C1QTNF1: variants seen among roughly 807,000 people sequenced by gnomAD.
C1QTNF1 encodes the protein C1q and TNF related 1, also known as complement C1q tumor necrosis factor-related protein 1.
In C1QTNF1, 22 loss-of-function variants were observed where a neutral mutation model predicts 27.8. The observed-to-expected ratio is 0.79, with a 90% CI of 0.56 to 1.13. The LOEUF (loss-of-function observed/expected upper bound fraction) is 1.13, where lower values mean the gene tolerates loss of function less well. Ranked by LOEUF, C1QTNF1 falls within the 50% of genes most tolerant of loss-of-function variation. The pLI is 0.00. For synonymous variants in C1QTNF1, 166 were observed against 154.3 expected (o/e 1.08, Z -0.56); for missense variants, 373 against 380.2 (o/e 0.98, Z 0.16).
chr17:79,034,581 A>G (rs2072220929), intron 1 of C1QTNF1: 1 of 152,186 alleles, frequency 6.6e-6, no homozygotes, highest in Non-Finnish European at 1.5e-5. Flanking sequence ...TGGGAGGGAG[A>G]TGCTTTAGGA....
chr17:79,025,173 C>G (rs2071905568), intron 1 of C1QTNF1: 1 of 152,472 alleles, frequency 6.6e-6, no homozygotes, highest in South Asian at 2.1e-4. Context: ...CTGAGCCGCC[C>G]TGGGGCTTCT....
intron 1 of C1QTNF1, among the ~76,000 whole-genome samples, chr17:79,039,634 CAG>C (rs1485251605): frequency 2.0e-5 from 3 of 152,018 alleles, no homozygotes; most frequent in Non-Finnish European, 2.9e-5. Context: ...GCCTGGGTGA[CAG>C]AGCGAGACTC....
chr17:79,038,243 G>C (rs892230695), intron 1 of C1QTNF1, among the ~76,000 whole-genome samples: 7 of 152,210 alleles, frequency 4.6e-5, no homozygotes, highest in African/African-American at 1.7e-4. Flanking sequence ...ACCTGCCTTG[G>C]CCTCCCAAAG....
rs79034842 is a variant in C1QTNF1 at position 79,025,785 on chromosome 17, T to G, written c.-15+1291T>G. 2,155 of 219,820 alleles carry G rather than the reference T, an allele frequency of 9.8e-3. 79 individuals are homozygous for G. In the East Asian group the frequency reaches 0.12, roughly 13 times the overall value. 13.6% of individuals were successfully genotyped at this position (219,820 alleles called of 1,614,324 possible). A position where few individuals can be genotyped will look rare whatever the true frequency, so the allele number is the denominator to read the frequency against. On this transcript the variant is annotated intron_variant, in intron 1 of 3. Coordinates refer to ENST00000579760, the MANE Select transcript of C1QTNF1 (RefSeq NM_030968.5). Reference sequence around the variant, plus strand: ...CAAGACAGGGAGATGGGAGCCGAGGTCTGAGGACAAGCAGAAGCTTCCCCA... The same window carrying G: ...CAAGACAGGGAGATGGGAGCCGAGGGCTGAGGACAAGCAGAAGCTTCCCCA...
In C1QTNF1 at chr17:79,048,229, G is replaced by A. The variant is rs2072655621; in HGVS notation, c.*141G>A. The A allele has an allele frequency of 2.4e-6, 2 of 832,818 alleles. No homozygotes were observed. The highest frequency in any genetic ancestry group is 2.0e-5 in the South Asian group (1 of 50,446). 51.6% of individuals were successfully genotyped at this position (832,818 alleles called of 1,614,324 possible). On this transcript the variant is annotated 3_prime_UTR_variant, in exon 4 of 4. Coordinates refer to ENST00000579760, the MANE Select transcript of C1QTNF1 (RefSeq NM_030968.5). ...CCCTGCACACACAGAAAGCCAAAGC[G>A]ATCGGTGCTCCCAGATCCCGCAGCC...
intron 1 of C1QTNF1, among the ~76,000 whole-genome samples, chr17:79,041,426 C>G (rs144451983): frequency 6.6e-6 from 1 of 152,162 alleles, no homozygotes. Flanking sequence ...TCCAGATCTT[C>G]CCCTGCAATG....
chr17:79,044,191 C>T, intron 2 of C1QTNF1, 68 bp downstream of exon 2: 1 of 1,461,528 alleles, frequency 6.8e-7, no homozygotes, highest in Non-Finnish European at 9.0e-7. Flanking sequence ...GGCCTTGGGG[C>T]CCCTGGGGGA....
In C1QTNF1 at chr17:79,047,756, G is replaced by C. The variant is rs766236227; in HGVS notation, c.514G>C (p.Val172Leu). Residue 172 changes from valine (V) to leucine (L), a missense_variant, in exon 4 of 4, where the codon GTG (valine) becomes CTG (leucine). By Grantham distance (32) the Val-to-Leu change is conservative. Coordinates refer to ENST00000579760, the MANE Select transcript of C1QTNF1 (RefSeq NM_030968.5). ...GACGGTGATCTTCGACACGGAGTTC[G>C]TGAACCTCTACGACCACTTCAACAT... Reference protein sequence around the residue: ...YQTVIFDTEFVNLYDHFNMFT... With the variant: ...YQTVIFDTEFLNLYDHFNMFT... The C allele has an allele frequency of 1.2e-6, 2 of 1,614,148 alleles. No homozygotes were observed. The highest frequency in any genetic ancestry group is 2.2e-5 in the South Asian group (2 of 91,080).
Position 79,046,448 on chromosome 17 carries a change from A to C in C1QTNF1, c.156-107A>C. ...ACAGAGCCTTGTGGGTCCAGGTGAG[A>C]GAGTGAGAAGGCAGGTCAGGCATGC... On this transcript the variant is annotated intron_variant, in intron 2 of 3. Transcript: ENST00000579760. The surrounding 1 kb of genome is among the most constrained non-coding windows in gnomAD (Gnocchi z 4.8). 6.8e-7 allele frequency: 1 copy of C among 1,463,354 alleles called. No individual in the cohort carries two copies. The highest frequency in any genetic ancestry group is 9.4e-7 in the Non-Finnish European group (1 of 1,061,620). The allele number at this position is 1,463,354 out of a possible 1,614,324, so 90.6% of individuals were successfully genotyped here. A position where few individuals can be genotyped will look rare whatever the true frequency, so the allele number is the denominator to read the frequency against.
In C1QTNF1 at chr17:79,049,011, C is replaced by T. The variant is rs2072680777; in HGVS notation, c.*923C>T. 1 of 152,172 alleles carries T rather than the reference C, an allele frequency of 6.6e-6. No individual in the cohort carries two copies. Among genetic ancestry groups the T allele is most frequent in the South Asian group, 2.1e-4 (1 of 4,830 alleles). 9.4% of individuals were successfully genotyped at this position (152,172 alleles called of 1,614,324 possible). A position where few individuals can be genotyped will look rare whatever the true frequency, so the allele number is the denominator to read the frequency against. On this transcript the variant is annotated 3_prime_UTR_variant, in exon 4 of 4. Coordinates refer to ENST00000579760, the MANE Select transcript of C1QTNF1 (RefSeq NM_030968.5). This position sits in a 1 kb window ranked among gnomAD's most constrained non-coding sequence, Gnocchi z 4.4. ...CTGTGCCGCCTCCCACACAAATCAG[C>T]CCCAGAAGGCCCCGGGGCCTTGGCT...
At chr17:79,030,676 T>G (rs1458903578) in intron 1 of C1QTNF1, among the ~76,000 whole-genome samples, 2 of 151,914 alleles carry the variant, frequency 1.3e-5, no homozygotes, top group Non-Finnish European at 2.9e-5. Context: ...CTCAGCTCAC[T>G]GCAATCTCCA....
Position 79,046,951 on chromosome 17 carries a change from C to T in C1QTNF1, c.295+257C>T, listed in dbSNP as rs1320591368. 8 of 523,224 alleles carry T rather than the reference C, an allele frequency of 1.5e-5. No individual in the cohort carries two copies. Among genetic ancestry groups the T allele is most frequent in the African/African-American group, 3.8e-5 (2 of 52,510 alleles). 32.4% of individuals were successfully genotyped at this position (523,224 alleles called of 1,614,324 possible). On this transcript the variant is annotated intron_variant, in intron 3 of 3. Coordinates refer to ENST00000579760, the MANE Select transcript of C1QTNF1 (RefSeq NM_030968.5). The surrounding 1 kb of genome is among the most constrained non-coding windows in gnomAD (Gnocchi z 4.8). ...CAGGAGAGGGAGCCCAGAGGCTACT[C>T]GGGGTCTCGTCCCTCCAGTTGTATG...
Position 79,024,889 on chromosome 17 carries a change from AT to A in C1QTNF1, c.-15+396del, listed in dbSNP as rs199958974. Reference sequence around the variant, plus strand: ...TGTGGAAGGAAGAGGAATGGTACTAATGCCCGCGGCTGCACCTGGCGGGGAT... The same window carrying A: ...TGTGGAAGGAAGAGGAATGGTACTAAGCCCGCGGCTGCACCTGGCGGGGAT... On this transcript the variant is annotated intron_variant, in intron 1 of 3. Transcript: ENST00000579760. 7.7e-3 allele frequency: 1,174 copies of A among 152,380 alleles called. 45 individuals carry two copies. The East Asian group carries it at 0.12, about 16-fold the overall frequency. 9.4% of individuals were successfully genotyped at this position (152,380 alleles called of 1,614,324 possible). A position where few individuals can be genotyped will look rare whatever the true frequency, so the allele number is the denominator to read the frequency against.
At position 79,048,704 on chromosome 17, in the gene C1QTNF1, T is replaced by C. The variant is rs990816339; in HGVS notation, c.*616T>C. ...CATCCCTGTGGCCTTGCCCAAGGGC[T>C]CTGCTGGTCTTTCTGAGTCACAGCT... is the stretch of plus-strand genomic sequence containing the variant. On this transcript the variant is annotated 3_prime_UTR_variant, in exon 4 of 4. Transcript: ENST00000579760. 5 of 152,204 alleles carry C rather than the reference T, an allele frequency of 3.3e-5. No individual in the cohort carries two copies. The highest frequency in any genetic ancestry group is 1.2e-4 in the African/African-American group (5 of 41,460). The allele number at this position is 152,204 out of a possible 1,614,324, so 9.4% of individuals were successfully genotyped here.
chr17:79,028,730 C>T (rs535872461), intron 1 of C1QTNF1, among the ~76,000 whole-genome samples: 2 of 152,204 alleles, frequency 1.3e-5, no homozygotes, highest in East Asian at 1.9e-4. Context: ...GGGCACTGGT[C>T]GGGAGAGAAA....
At chr17:79,043,683 TGAG>T in intron 1 of C1QTNF1, 1 of 568,646 alleles carries the variant, frequency 1.8e-6, no homozygotes, top group South Asian at 1.5e-5. Context: ...GCATGTGTGT[TGAG>T]TGTGTGCATG....
intron 1 of C1QTNF1, chr17:79,025,710 A>G (rs922923452): frequency 1.2e-4 from 23 of 196,308 alleles, no homozygotes; most frequent in Non-Finnish European, 1.2e-4. Context: ...ACATGGGAGG[A>G]CGTGCTCCAG....
rs777305977 is a variant in C1QTNF1 at position 79,047,815 on chromosome 17, C to A, written c.573C>A (p.Gly191=). 3.1e-6 allele frequency: 5 copies of A among 1,614,232 alleles called. No individual in the cohort carries two copies. Among genetic ancestry groups the A allele is most frequent in the South Asian group, 2.2e-5 (2 of 91,080 alleles). ...GCAAGTTCTACTGCTACGTGCCCGG[C>A]CTCTACTTCTTCAGCCTCAACGTGC... ...FTGKFYCYVP[G]LYFFSLNVHT... is the part of the protein sequence containing the mutation. The change falls in exon 4 of 4, where the codon GGC becomes GGA. Residue 191 remains glycine (G), a synonymous_variant. Coordinates refer to ENST00000579760, the MANE Select transcript of C1QTNF1 (RefSeq NM_030968.5).
In C1QTNF1 at chr17:79,047,852, C is replaced by T; in HGVS notation, c.610C>T (p.Gln204Ter). ...CAGCCTCAACGTGCACACCTGGAAC[C>T]AGAAGGAGACCTACCTGCACATCAT... ...FFSLNVHTWN[Q>*]KETYLHIMKN... Residue 204 changes from glutamine to a stop codon, truncating the protein, a stop_gained, in exon 4 of 4, where the codon CAG becomes TAG. Coordinates refer to ENST00000579760, the MANE Select transcript of C1QTNF1 (RefSeq NM_030968.5). LOFTEE classifies it high-confidence loss of function. 1.2e-6 allele frequency: 2 copies of T among 1,614,218 alleles called. No homozygotes were observed. Among genetic ancestry groups the T allele is most frequent in the Non-Finnish European group, 8.5e-7 (1 of 1,180,036 alleles).
Sources: allele counts gnomAD v4.1 joint callset (sites outside exome capture counted in the v4.1 genomes callset), GRCh38; gene constraint gnomAD v4.1.1; non-coding constraint Gnocchi (gnomAD v3.1); transcripts MANE v1.5; gene names NCBI Gene and HGNC (gene_info 2026-07-23, HGNC 2026-07-21).